DPY19L4: variants seen among roughly 807,000 people sequenced by gnomAD.
DPY19L4 encodes the protein dpy-19 like 4, also known as probable C-mannosyltransferase DPY19L4.
A neutral mutation model predicts 102.8 loss-of-function variants in DPY19L4; 97 were observed. The ratio of observed to expected loss-of-function variants is 0.94; its 90% CI spans 0.80 to 1.12. The LOEUF (loss-of-function observed/expected upper bound fraction) is 1.12. Ranked by LOEUF, DPY19L4 falls within the 50% of genes most tolerant of loss-of-function variation. The pLI, the probability that DPY19L4 is intolerant of heterozygous loss-of-function variation, is 0.00. For synonymous variants in DPY19L4, 252 were observed against 283.1 expected (o/e 0.89, Z 1.10); for missense variants, 815 against 850.4 (o/e 0.96, Z 0.52).
chr8:94,758,426 T>C (rs1812258174), intron 7 of DPY19L4, among the ~76,000 whole-genome samples: 1 of 152,204 alleles, frequency 6.6e-6, no homozygotes, highest in African/African-American at 2.4e-5. Context: ...TTAGTTGTTA[T>C]CACACGTATA....
chr8:94,789,195 T>C (rs1813788168), intron 18 of DPY19L4, among the ~76,000 whole-genome samples: 1 of 152,222 alleles, frequency 6.6e-6, no homozygotes, highest in Non-Finnish European at 1.5e-5. Context: ...GGCATGGACT[T>C]AAGCTAATCC....
At chr8:94,721,156 G>A (rs1351560239) in intron 1 of DPY19L4, among the ~76,000 whole-genome samples, 5 of 152,204 alleles carry the variant, frequency 3.3e-5, no homozygotes, top group African/African-American at 1.2e-4. Flanking sequence ...ATGTTGGTCA[G>A]GCTGGTCTTG....
At position 94,729,597 on chromosome 8, in the gene DPY19L4, C is replaced by CAAA. The variant is rs770975687; in HGVS notation, c.127+3178_127+3180dup. The stretch of plus-strand genomic sequence containing the variant: ...CTGGGCAACAGAGGAGATTCCATCT[C>CAAA]AAAAAAAAAAAAAAAAAAAAAAAAT... On this transcript the variant is annotated intron_variant, in intron 2 of 18. Coordinates refer to ENST00000414645, the MANE Select transcript of DPY19L4 (RefSeq NM_181787.3). 6.5e-3 allele frequency among the ~76,000 whole-genome samples: 203 copies of CAAA among 31,022 alleles called. 33 individuals carry two copies. Among genetic ancestry groups the CAAA allele is most frequent in the African/African-American group, 0.013 (93 of 7,070 alleles). The allele number at this position is 31,022 out of a possible 152,430, so 20.4% of individuals were successfully genotyped here. A position where few individuals can be genotyped will look rare whatever the true frequency, so the allele number is the denominator to read the frequency against.
At chr8:94,771,803 CT>C (rs957360653) in intron 13 of DPY19L4, among the ~76,000 whole-genome samples, 3 of 152,104 alleles carry the variant, frequency 2.0e-5, no homozygotes, top group African/African-American at 7.2e-5. Flanking sequence ...TTGTTGAGGA[CT>C]TTGGAGTTTT....
chr8:94,739,704 T>C lies in DPY19L4; in HGVS notation c.525T>C (p.Tyr175=). 1 of 1,614,058 alleles carries C rather than the reference T, an allele frequency of 6.2e-7. No individual in the cohort carries two copies. The highest frequency in any genetic ancestry group is 1.1e-5 in the South Asian group (1 of 91,080). The stretch of plus-strand genomic sequence containing the variant: ...TTGTTTTTGGATTGCAAGGAATATA[T>C]GTTACTGCTTTATTTGTTACAAGTT... ...IGIVFGLQGI[Y]VTALFVTSWL... is the part of the protein sequence containing the mutation. Residue 175 remains tyrosine (Y), a synonymous_variant, in exon 6 of 19, where the codon TAT becomes TAC. Transcript: ENST00000414645.
At chr8:94,758,747 T>G (rs904815602) in intron 7 of DPY19L4, among the ~76,000 whole-genome samples, 1 of 152,196 alleles carries the variant, frequency 6.6e-6, no homozygotes, top group East Asian at 1.9e-4. Flanking sequence ...TTTTTTTTTT[T>G]TTTGAGACGG....
chr8:94,741,323 A>G (rs1372747600), intron 6 of DPY19L4, among the ~76,000 whole-genome samples: 1 of 151,962 alleles, frequency 6.6e-6, no homozygotes, highest in African/African-American at 2.4e-5. Flanking sequence ...ACCATTAAGC[A>G]TTTACCTAAC....
Position 94,756,088 on chromosome 8 carries a change from C to T in DPY19L4, c.664C>T (p.Leu222=). Reference sequence around the variant, plus strand: ...CATTCCTTTAAGAGAAAACTGGGCACTACCATATTTTGCATGCCAAATTGC... The same window carrying T: ...CATTCCTTTAAGAGAAAACTGGGCATTACCATATTTTGCATGCCAAATTGC... ...YSIPLRENWA[L]PYFACQIAAL... Residue 222 remains leucine (L), a synonymous_variant, in exon 7 of 19, where the codon CTA becomes TTA. Transcript: ENST00000414645. 2 of 1,613,664 alleles carry T rather than the reference C, an allele frequency of 1.2e-6. No homozygotes were observed. The highest frequency in any genetic ancestry group is 1.7e-6 in the Non-Finnish European group (2 of 1,179,928).
At chr8:94,744,507 G>A (rs1314274242) in intron 6 of DPY19L4, 1 of 456,732 alleles carries the variant, frequency 2.2e-6, no homozygotes, top group South Asian at 1.5e-5. Flanking sequence ...CTGGTACAGT[G>A]TGGGAGGTGA....
At chr8:94,779,547 T>G (rs539976368) in intron 14 of DPY19L4, among the ~76,000 whole-genome samples, 112 of 152,046 alleles carry the variant, frequency 7.4e-4, no homozygotes, top group African/African-American at 2.4e-3. Flanking sequence ...CAGGCTGGTC[T>G]CAAACTCCTG....
chr8:94,781,030 TA>T, intron 15 of DPY19L4, 53 bp from the exon 16 acceptor site: 1 of 1,446,748 alleles, frequency 6.9e-7, no homozygotes, highest in Non-Finnish European at 9.4e-7. Context: ...TTAAACTTTC[TA>T]ATTACTGACA....
chr8:94,745,602 T>C (rs950569477), intron 6 of DPY19L4, among the ~76,000 whole-genome samples: 4 of 152,186 alleles, frequency 2.6e-5, no homozygotes, highest in Admixed American at 2.6e-4. Context: ...TCTGTGGTGA[T>C]GATGTTGGTA....
chr8:94,792,397 G>C lies in DPY19L4; in HGVS notation c.*2487G>C, dbSNP rs1028077953. On this transcript the variant is annotated 3_prime_UTR_variant, in exon 19 of 19. Coordinates refer to ENST00000414645, the MANE Select transcript of DPY19L4 (RefSeq NM_181787.3). Reference sequence around the variant, plus strand: ...GGAGTAGCTGGGATTACAGGCACCTGCCACCAAGCACGGCTAATTTTTGTA... The same window carrying C: ...GGAGTAGCTGGGATTACAGGCACCTCCCACCAAGCACGGCTAATTTTTGTA... 5 of 151,912 alleles carry C rather than the reference G, an allele frequency of 3.3e-5. No homozygotes were observed. The highest frequency in any genetic ancestry group is 5.9e-5 in the Non-Finnish European group (4 of 67,994). 9.4% of individuals were successfully genotyped at this position (151,912 alleles called of 1,614,324 possible).
At chr8:94,754,327 T>G (rs1223511914) in intron 6 of DPY19L4, among the ~76,000 whole-genome samples, 1 of 152,232 alleles carries the variant, frequency 6.6e-6, no homozygotes, top group Non-Finnish European at 1.5e-5. Context: ...TTTTGAAGTA[T>G]GTGTTTGTTT....
chr8:94,777,771 A>G lies in DPY19L4; in HGVS notation c.1560A>G (p.Val520=), dbSNP rs775785953. The G allele has an allele frequency of 1.2e-6, 2 of 1,613,120 alleles. No homozygotes were observed. Among genetic ancestry groups the G allele is most frequent in the Admixed American group, 1.7e-5 (1 of 59,840 alleles). Residue 520 remains valine (V), a synonymous_variant, in exon 14 of 19, where the codon GTA becomes GTG. Transcript: ENST00000414645. ...TLFKWLRLRT[V]HPILLALILS... The stretch of plus-strand genomic sequence containing the variant: ...TCAAGTGGCTTCGATTAAGAACTGT[A>G]CACCCAATATTGTTGGTGAGTCATT...
At chr8:94,765,358 T>A (rs770121942) in intron 9 of DPY19L4, 44 bp downstream of exon 9, 8 of 1,563,566 alleles carry the variant, frequency 5.1e-6, no homozygotes, top group Non-Finnish European at 6.9e-6. Flanking sequence ...TGATTTTTTT[T>A]TTTTGAAGTG....
intron 6 of DPY19L4, among the ~76,000 whole-genome samples, chr8:94,743,751 A>T (rs1450450528): frequency 2.0e-5 from 3 of 152,210 alleles, no homozygotes; most frequent in African/African-American, 7.2e-5. Flanking sequence ...CACGCCTGTA[A>T]TCCCAACACT....
At position 94,719,987 on chromosome 8, in the gene DPY19L4, T is replaced by A. The variant is rs1175868396; in HGVS notation, c.-12T>A. 6.6e-7 allele frequency: 1 copy of A among 1,525,466 alleles called. No individual in the cohort carries two copies. The highest frequency in any genetic ancestry group is 2.1e-5 in the Admixed American group (1 of 47,768). The allele number at this position is 1,525,466 out of a possible 1,614,324, so 94.5% of individuals were successfully genotyped here. A position where few individuals can be genotyped will look rare whatever the true frequency, so the allele number is the denominator to read the frequency against. On this transcript the variant is annotated 5_prime_UTR_variant, in exon 1 of 19. Transcript: ENST00000414645. ...GCGGGAGCCGCAGGGCGCCCTAGCC[T>A]TCGCAGAAACGATGGCGGAGGAAGA...
chr8:94,739,444 T>C lies in DPY19L4; in HGVS notation c.375T>C (p.Thr125=). 1 of 1,594,296 alleles carries C rather than the reference T, an allele frequency of 6.3e-7. No homozygotes were observed. Among genetic ancestry groups the C allele is most frequent in the South Asian group, 1.2e-5 (1 of 86,548 alleles). The part of the protein sequence containing the change: ...GVYELTHNNK[T]VSLKTINAVQ... ...ACGAACTGACACACAATAACAAAAC[T>C]GTATCTCTGAAGACTATAAATGCAG... The change falls in exon 5 of 19, where the codon ACT becomes ACC. Residue 125 remains threonine (T), a synonymous_variant. Coordinates refer to ENST00000414645, the MANE Select transcript of DPY19L4 (RefSeq NM_181787.3).
Sources: gnomAD v4.1 joint callset for allele counts (sites outside exome capture counted in the v4.1 genomes callset) on GRCh38, gnomAD v4.1.1 for gene constraint, MANE v1.5 for transcripts, NCBI Gene and HGNC (gene_info 2026-07-23, HGNC 2026-07-21) for gene names.